The following PEAK1 variants were observed in gnomAD, a reference collection of about 807,000 sequenced individuals.
The protein encoded by PEAK1 is inactive tyrosine-protein kinase PEAK1.
In PEAK1, 54 loss-of-function variants were observed where a neutral mutation model predicts 124.7. The ratio of observed to expected loss-of-function variants is 0.43; its 90% CI spans 0.35 to 0.54. The LOEUF is 0.54. PEAK1 is among the 20% of genes least tolerant of loss of function. The probability of loss-of-function intolerance (pLI) is 0.01; values close to 1 mark genes in which losing one functional copy is unlikely to be tolerated. For synonymous variants in PEAK1, 719 were observed against 760.0 expected, an observed-to-expected ratio of 0.95 and a Z score of 0.89; for missense variants, 2,046 against 2,134.5, an observed-to-expected ratio of 0.96 and a Z score of 0.82.
rs2051102131 is a variant in PEAK1, at chr15:77,113,424, GGC to G, written c.*730_*731del. On this transcript the variant is annotated 3_prime_UTR_variant, in exon 10 of 10. Coordinates refer to ENST00000682557, the MANE Select transcript of PEAK1 (RefSeq NM_001385026.1). ...GTCAGCTCTGTAATGGGCCACAAGTGGCTGATAAATCCAAACTTCACTGGCAA... is the reference window on the plus strand; with the variant it reads ...GTCAGCTCTGTAATGGGCCACAAGTGTGATAAATCCAAACTTCACTGGCAA... The G allele has an allele frequency of 3.3e-5, 5 of 152,476 alleles. No individual in the cohort carries two copies. In the South Asian group the frequency reaches 1.0e-3, roughly 32 times the overall value. The allele number at this position is 152,476 out of a possible 1,614,324, so 9.4% of individuals were successfully genotyped here.
chr15:77,368,200 G>C (rs1159495387), intron 1 of PEAK1, among the ~76,000 whole-genome samples: 3 of 151,958 alleles, frequency 2.0e-5, no homozygotes, highest in Admixed American at 2.0e-4. Context: ...TATGAGTTTT[G>C]AGCATTTATT....
At chr15:77,173,443 TTATC>T (rs1347259846) in intron 7 of PEAK1, among the ~76,000 whole-genome samples, 1 of 152,224 alleles carries the variant, frequency 6.6e-6, no homozygotes, top group Non-Finnish European at 1.5e-5. Flanking sequence ...CCTTACCTAT[TTATC>T]TTTTTTTGTG....
chr15:77,322,868 G>A (rs567194367), intron 2 of PEAK1, among the ~76,000 whole-genome samples: 10 of 152,192 alleles, frequency 6.6e-5, no homozygotes, highest in South Asian at 4.1e-4. Context: ...GATGAACATC[G>A]ATGCAAAAAT....
At chr15:77,380,905 T>A (rs902556723) in intron 1 of PEAK1, among the ~76,000 whole-genome samples, 3 of 152,218 alleles carry the variant, frequency 2.0e-5, no homozygotes, top group Non-Finnish European at 4.4e-5. Flanking sequence ...CTACATTTAA[T>A]ACACAATCTT....
chr15:77,264,673 T>C (rs2061621427), intron 5 of PEAK1, among the ~76,000 whole-genome samples: 1 of 152,088 alleles, frequency 6.6e-6, no homozygotes, highest in South Asian at 2.1e-4. Context: ...AAAATGGCCA[T>C]ACTGCCCAAG....
At position 77,359,398 on chromosome 15, in the gene PEAK1, C is replaced by T. The variant is rs540263561; in HGVS notation, c.-603+5765G>A. Among the ~76,000 whole-genome samples the T allele has an allele frequency of 3.3e-5, 5 of 151,884 alleles. No individual in the cohort carries two copies. The South Asian group carries it at 1.0e-3, about 32-fold the overall frequency. ...AAGGCTGCAGTGAGCCATGTTCACA[C>T]CACTACACTCCAGCCTGGGCAACAG... On this transcript the variant is annotated intron_variant, in intron 2 of 9. Transcript: ENST00000682557.
intron 6 of PEAK1, among the ~76,000 whole-genome samples, chr15:77,191,823 T>C (rs777809769): frequency 2.6e-5 from 4 of 152,130 alleles, no homozygotes; most frequent in Non-Finnish European, 5.9e-5. Flanking sequence ...CAAACTAATA[T>C]AGTGGCAGTG....
At chr15:77,280,008 T>C (rs2062576792) in intron 5 of PEAK1, among the ~76,000 whole-genome samples, 1 of 152,150 alleles carries the variant, frequency 6.6e-6, no homozygotes, top group South Asian at 2.1e-4. Context: ...GGTAGTTGTA[T>C]GGATCCGAAC....
In PEAK1 at chr15:77,370,842, C is replaced by A. The variant is rs566175380; in HGVS notation, c.-665-5617G>T. 2.5e-4 allele frequency: 162 copies of A among 639,350 alleles called. No individual in the cohort carries two copies. In the African/African-American group the frequency reaches 3.0e-3, roughly 12 times the overall value. 39.6% of individuals were successfully genotyped at this position (639,350 alleles called of 1,614,324 possible). A position where few individuals can be genotyped will look rare whatever the true frequency, so the allele number is the denominator to read the frequency against. ...GTCAGGAGTTCGAGACCATCCTGGC[C>A]AAAATGGTGAAATCCCAACTCTACT... On this transcript the variant is annotated intron_variant, in intron 1 of 9. Transcript: ENST00000682557.
chr15:77,290,154 C>T (rs1597131818), intron 2 of PEAK1, among the ~76,000 whole-genome samples: 1 of 152,192 alleles, frequency 6.6e-6, no homozygotes, highest in East Asian at 1.9e-4. Context: ...GAGACAGAGT[C>T]TCACTCTGTT....
intron 2 of PEAK1, among the ~76,000 whole-genome samples, chr15:77,287,955 T>G (rs905045237): frequency 2.0e-5 from 3 of 152,176 alleles, no homozygotes; most frequent in Admixed American, 6.5e-5. Context: ...ATTCCATCCC[T>G]ATTAATAGTA....
In PEAK1 at chr15:77,133,286, G is replaced by A; in HGVS notation, c.3796C>T (p.Arg1266Ter). The A allele has an allele frequency of 1.2e-6, 2 of 1,614,104 alleles. No homozygotes were observed. The highest frequency in any genetic ancestry group is 8.5e-7 in the Non-Finnish European group (1 of 1,180,032). ...TGTCTCTGCGGCTTCTGGATGCCTC[G>A]GCCCTGTCTGCAAGAGGGCCCACGC... Reference protein sequence around the residue: ...SRRGPSCRQGRGIQKPQRQAL... With the variant: ...SRRGPSCRQG The change falls in exon 9 of 10, where the codon CGA (arginine) becomes TGA (stop). Residue 1266 changes from arginine (R) to a stop codon, truncating the protein, a stop_gained. Transcript: ENST00000682557. LOFTEE classifies it high-confidence loss of function. The surrounding 1 kb of genome is among the most constrained non-coding windows in gnomAD (Gnocchi z 4.2).
At chr15:77,384,014 A>C (rs942152958) in intron 1 of PEAK1, among the ~76,000 whole-genome samples, 1 of 152,210 alleles carries the variant, frequency 6.6e-6, no homozygotes. Flanking sequence ...AACTCTAACA[A>C]AATGATTTAC....
intron 2 of PEAK1, among the ~76,000 whole-genome samples, chr15:77,304,797 A>G (rs956861261): frequency 6.6e-6 from 1 of 152,036 alleles, no homozygotes; most frequent in Non-Finnish European, 1.5e-5. Context: ...CATCTTTGGG[A>G]GTGCTATTGT....
intron 6 of PEAK1, among the ~76,000 whole-genome samples, chr15:77,240,672 T>G (rs995090060): frequency 3.3e-5 from 5 of 152,132 alleles, no homozygotes; most frequent in Non-Finnish European, 5.9e-5. Context: ...TTAAAAACTT[T>G]ATTGTAAAAG....
chr15:77,155,828 C>T (rs998640567), intron 8 of PEAK1: 1 of 153,728 alleles, frequency 6.5e-6, no homozygotes, highest in Admixed American at 6.5e-5. Context: ...TTTTGGTGAC[C>T]TGCAAATGCT....
chr15:77,359,439 CAAA>C (rs1209703888), intron 2 of PEAK1, among the ~76,000 whole-genome samples: 2 of 94,676 alleles, frequency 2.1e-5, no homozygotes, highest in Non-Finnish European at 2.2e-5. Context: ...GACCTTGTCT[CAAA>C]AAAAAAAAAA....
chr15:77,117,409 T>C (rs966050102), intron 9 of PEAK1, among the ~76,000 whole-genome samples: 2 of 152,214 alleles, frequency 1.3e-5, no homozygotes, highest in Non-Finnish European at 2.9e-5. Flanking sequence ...TGGGATCAAG[T>C]ATATAGCGTA....
intron 2 of PEAK1, chr15:77,352,738 C>CA (rs2067283288): frequency 1.0e-6 from 1 of 964,276 alleles, no homozygotes. Context: ...ATTTAACAGA[C>CA]AAAAAATATT....
Sources: allele counts gnomAD v4.1 joint callset (sites outside exome capture counted in the v4.1 genomes callset), GRCh38; gene constraint gnomAD v4.1.1; non-coding constraint Gnocchi (gnomAD v3.1); transcripts MANE v1.5; gene names NCBI Gene and HGNC (gene_info 2026-07-23, HGNC 2026-07-21).